The following ARHGAP10 variants were observed in gnomAD, a reference collection of about 807,000 sequenced individuals.
ARHGAP10 encodes rho GTPase-activating protein 10.
In ARHGAP10, 87 loss-of-function variants were observed where a neutral mutation model predicts 108.6. That is an observed-to-expected ratio of 0.80 (90% CI 0.67 to 0.96). The LOEUF (loss-of-function observed/expected upper bound fraction) is 0.96. Ranked by LOEUF, ARHGAP10 falls within the 40% of genes least tolerant of loss-of-function variation. The pLI is 0.00. For synonymous variants in ARHGAP10, 347 were observed against 341.1 expected (o/e 1.02, Z -0.19); for missense variants, 939 against 954.5 (o/e 0.98, Z 0.21).
intron 10 of ARHGAP10, among the ~76,000 whole-genome samples, chr4:147,893,007 A>C (rs960410953): frequency 2.0e-5 from 3 of 152,198 alleles, no homozygotes; most frequent in African/African-American, 7.2e-5. Context: ...TCCTGATTTA[A>C]TGCATGTGAT....
intron 19 of ARHGAP10, among the ~76,000 whole-genome samples, chr4:148,037,807 C>G (rs1250040334): frequency 2.3e-4 from 34 of 150,838 alleles, no homozygotes; most frequent in Admixed American, 2.2e-3. Context: ...TGCTCTCCAG[C>G]CTGGTGACAG....
At chr4:148,023,136 A>G in intron 18 of ARHGAP10, 127 bp from the exon 19 acceptor site, 1 of 990,878 alleles carries the variant, frequency 1.0e-6, no homozygotes, top group Non-Finnish European at 1.4e-6. Context: ...ATTGGAAGGA[A>G]TGGATTTTGG....
chr4:148,012,692 A>T (rs1647970056), intron 18 of ARHGAP10, among the ~76,000 whole-genome samples: 2 of 152,178 alleles, frequency 1.3e-5, no homozygotes, highest in Admixed American at 6.5e-5. Flanking sequence ...TAATTGTAAA[A>T]ACCACAGTTA....
chr4:147,906,242 A>G (rs1254894568), intron 10 of ARHGAP10, among the ~76,000 whole-genome samples: 3 of 152,232 alleles, frequency 2.0e-5, no homozygotes, highest in Non-Finnish European at 1.5e-5. Context: ...ATCCATGTTC[A>G]TAGCAGCACT....
Position 147,754,555 on chromosome 4 carries a change from A to C in ARHGAP10, c.154+22100A>C, listed in dbSNP as rs140809788. Among the ~76,000 whole-genome samples the C allele has an allele frequency of 1.2e-3, 177 of 152,314 alleles. 1 individual carries two copies. The highest frequency in any genetic ancestry group is 4.0e-3 in the African/African-American group (165 of 41,568). ...GTTGTTAGAAATTTAGTTCCTTTGG[A>C]TGAATTTCTGTTGTCTTTCCTTGAT... On this transcript the variant is annotated intron_variant, in intron 1 of 22. Coordinates refer to ENST00000336498, the MANE Select transcript of ARHGAP10 (RefSeq NM_024605.4).
At chr4:147,918,725 T>G (rs997409479) in intron 13 of ARHGAP10, among the ~76,000 whole-genome samples, 3 of 152,198 alleles carry the variant, frequency 2.0e-5, no homozygotes, top group Non-Finnish European at 4.4e-5. Context: ...TAATTCACTA[T>G]CACTGGGAGT....
chr4:147,814,708 A>G (rs1732161887), intron 1 of ARHGAP10, among the ~76,000 whole-genome samples: 1 of 152,214 alleles, frequency 6.6e-6, no homozygotes, highest in South Asian at 2.1e-4. Context: ...ATGATCTTTA[A>G]AAACAATGCT....
intron 1 of ARHGAP10, among the ~76,000 whole-genome samples, chr4:147,741,240 A>T (rs560099080): frequency 6.6e-6 from 1 of 152,330 alleles, no homozygotes; most frequent in South Asian, 2.1e-4. Context: ...TTTGTTTTAT[A>T]AATTTAGGAT....
chr4:147,817,085 T>C (rs1472198025), intron 1 of ARHGAP10, among the ~76,000 whole-genome samples: 1 of 152,242 alleles, frequency 6.6e-6, no homozygotes, highest in Non-Finnish European at 1.5e-5. Flanking sequence ...GAATCTATTA[T>C]GATTTATAAA....
chr4:147,867,362 G>C (rs1734608355), intron 7 of ARHGAP10, among the ~76,000 whole-genome samples: 1 of 152,276 alleles, frequency 6.6e-6, no homozygotes, highest in East Asian at 1.9e-4. Flanking sequence ...ATTTTGATCA[G>C]GTGGTATATG....
chr4:148,008,506 G>T (rs1372090944), intron 18 of ARHGAP10, among the ~76,000 whole-genome samples: 6 of 151,272 alleles, frequency 4.0e-5, no homozygotes, highest in Non-Finnish European at 8.8e-5. Flanking sequence ...TATCTAGTAG[G>T]TAGAGGCCGG....
intron 1 of ARHGAP10, among the ~76,000 whole-genome samples, chr4:147,746,380 G>C (rs1728923087): frequency 6.6e-6 from 1 of 150,474 alleles, no homozygotes; most frequent in Non-Finnish European, 1.5e-5. Context: ...GGAGTTACAG[G>C]TGTGAGTCAC....
chr4:148,030,185 A>G (rs2149668924), intron 19 of ARHGAP10, among the ~76,000 whole-genome samples: 2 of 152,160 alleles, frequency 1.3e-5, no homozygotes, highest in South Asian at 4.1e-4. Flanking sequence ...AAATAAGTTC[A>G]TGGCAGGTAA....
chr4:147,758,849 C>T (rs1005300220), intron 1 of ARHGAP10, among the ~76,000 whole-genome samples: 2 of 151,072 alleles, frequency 1.3e-5, no homozygotes, highest in Admixed American at 6.6e-5. Flanking sequence ...GGTGGTGGTG[C>T]GTGCCTGTAG....
intron 22 of ARHGAP10, chr4:148,065,335 G>A (rs1195699095): frequency 6.6e-6 from 1 of 152,214 alleles, no homozygotes; most frequent in Non-Finnish European, 1.5e-5. Context: ...GCACAGTGGT[G>A]TACTGTCAGT....
At chr4:147,989,829 A>G (rs1197867742) in intron 18 of ARHGAP10, among the ~76,000 whole-genome samples, 1 of 152,220 alleles carries the variant, frequency 6.6e-6, no homozygotes, top group Non-Finnish European at 1.5e-5. Context: ...TAAGACATTA[A>G]AGCAAAGACA....
At chr4:147,997,400 T>C (rs932629859) in intron 18 of ARHGAP10, among the ~76,000 whole-genome samples, 18 of 152,370 alleles carry the variant, frequency 1.2e-4, no homozygotes, top group Admixed American at 1.2e-3. Flanking sequence ...TATGATTCTT[T>C]AAGGGAGCTT....
chr4:147,810,598 C>T (rs1731978439), intron 1 of ARHGAP10, among the ~76,000 whole-genome samples: 1 of 152,288 alleles, frequency 6.6e-6, no homozygotes, highest in Admixed American at 6.5e-5. Flanking sequence ...GATTCAGGCT[C>T]AGCTGGAGAA....
At chr4:147,863,581 G>T (rs1446274575) in intron 5 of ARHGAP10, 3 of 152,170 alleles carry the variant, frequency 2.0e-5, no homozygotes, top group Non-Finnish European at 4.4e-5. Flanking sequence ...TCTGCTTTCA[G>T]TTCTTTTGGG....
Sources: gnomAD v4.1 joint callset for allele counts (sites outside exome capture counted in the v4.1 genomes callset) on GRCh38, gnomAD v4.1.1 for gene constraint, MANE v1.5 for transcripts, NCBI Gene and HGNC (gene_info 2026-07-23, HGNC 2026-07-21) for gene names.